The following KRAS variants were observed in gnomAD, a reference collection of about 807,000 sequenced individuals.
The protein encoded by KRAS is KRas proto-oncogene, GTPase.
A neutral mutation model predicts 21.0 loss-of-function variants in KRAS; 1 was observed. The ratio of observed to expected loss-of-function variants is 0.05; its 90% CI spans 0.02 to 0.23. KRAS has a LOEUF of 0.23. Ranked by LOEUF, KRAS falls within the 10% of genes least tolerant of loss-of-function variation. The pLI is 1.00. For synonymous variants in KRAS, 67 were observed against 72.5 expected, an observed-to-expected ratio of 0.92 and a Z score of 0.39; for missense variants, 107 against 221.8, an observed-to-expected ratio of 0.48 and a Z score of 3.29.
At chr12:25,223,505 C>T (rs1565883287) in intron 4 of KRAS, among the ~76,000 whole-genome samples, 1 of 152,132 alleles carries the variant, frequency 6.6e-6, no homozygotes. Context: ...ATATGATATA[C>T]ACCAAGTTTA....
chr12:25,229,458 G>C (rs1407851755), intron 2 of KRAS, among the ~76,000 whole-genome samples: 1 of 152,178 alleles, frequency 6.6e-6, no homozygotes, highest in African/African-American at 2.4e-5. Flanking sequence ...TGCAAATCCT[G>C]AGGGGCCTCT....
intron 4 of KRAS, chr12:25,215,688 T>C: frequency 1.3e-6 from 1 of 750,268 alleles, no homozygotes; most frequent in Admixed American, 2.2e-5. Context: ...GACATCAGAC[T>C]GTTTGAATAA....
Position 25,240,632 on chromosome 12 carries a change from G to T in KRAS, c.111+4642C>A, listed in dbSNP as rs146068107. Among the ~76,000 whole-genome samples the T allele has an allele frequency of 5.0e-3, 757 of 152,230 alleles. 8 individuals carry two copies. The highest frequency in any genetic ancestry group is 0.017 in the African/African-American group (718 of 41,518). On this transcript the variant is annotated intron_variant, in intron 2 of 4. Transcript: ENST00000311936. Reference sequence around the variant, plus strand: ...TGCATGGTACAAAGTGGGCAGTGAAGAACATTTCTAGGATTAAGGAATTAG... The same window carrying T: ...TGCATGGTACAAAGTGGGCAGTGAATAACATTTCTAGGATTAAGGAATTAG...
intron 2 of KRAS, among the ~76,000 whole-genome samples, 180 bp downstream of exon 2, chr12:25,245,094 G>T (rs950367826): frequency 6.6e-6 from 1 of 152,142 alleles, no homozygotes; most frequent in Admixed American, 6.5e-5. Context: ...TACTCCCAAG[G>T]AAAGTAAAGT....
chr12:25,250,235 C>T (rs1951746787), intron 1 of KRAS, among the ~76,000 whole-genome samples: 1 of 152,200 alleles, frequency 6.6e-6, no homozygotes, highest in Admixed American at 6.5e-5. Flanking sequence ...CCAGCCTGCG[C>T]TCGAGGGAGA....
chr12:25,220,211 A>T (rs927557013), intron 4 of KRAS, among the ~76,000 whole-genome samples: 2 of 152,208 alleles, frequency 1.3e-5, no homozygotes, highest in Non-Finnish European at 2.9e-5. Context: ...GGACCAGGAA[A>T]ATCTGTCAAC....
chr12:25,215,150 T>C lies in KRAS; in HGVS notation c.451-5239A>G, dbSNP rs6487461. ...TATCTCAAAACTTTTCCCTTAAAAA[T>C]AAAGGTAAATATCAGTTTCCAAATA... On this transcript the variant is annotated intron_variant, in intron 4 of 4. Coordinates refer to ENST00000311936, the MANE Select transcript of KRAS (RefSeq NM_004985.5). The C allele has an allele frequency of 0.54, 201,939 of 377,220 alleles. 48,579 individuals carry two copies. The highest frequency in any genetic ancestry group is 0.8 in the East Asian group (4,796 of 5,992). 23.4% of individuals were successfully genotyped at this position (377,220 alleles called of 1,614,324 possible). A position where few individuals can be genotyped will look rare whatever the true frequency, so the allele number is the denominator to read the frequency against.
intron 2 of KRAS, among the ~76,000 whole-genome samples, chr12:25,229,511 A>G (rs1365833716): frequency 6.6e-6 from 1 of 152,224 alleles, no homozygotes; most frequent in Non-Finnish European, 1.5e-5. Flanking sequence ...CTATAAGATT[A>G]AGTAAAAGAA....
At position 25,209,837 on chromosome 12, in the gene KRAS, T is replaced by G; in HGVS notation, c.525A>C (p.Lys175Asn). The G allele has an allele frequency of 6.2e-7, 1 of 1,611,036 alleles. No homozygotes were observed. The highest frequency in any genetic ancestry group is 8.5e-7 in the Non-Finnish European group (1 of 1,177,740). ...TTGTCTTTGACTTCTTTTTCTTCTT[T>G]TTACCATCTTTGCTCATCTTTTCTT... ...KHKEKMSKDG[K>N]KKKKKSKTKC... Residue 175 changes from lysine to asparagine, a missense_variant, in exon 5 of 5, where the codon AAA becomes AAC. Lys to Asn is a moderately conservative substitution (Grantham distance 94). Transcript: ENST00000311936.
At chr12:25,224,838 C>T (rs867987160) in intron 4 of KRAS, among the ~76,000 whole-genome samples, 1 of 152,082 alleles carries the variant, frequency 6.6e-6, no homozygotes, top group African/African-American at 2.4e-5. Context: ...GACAAAATCA[C>T]CTAACAATGT....
Position 25,206,329 on chromosome 12 carries a change from T to C in KRAS, c.*3466A>G, listed in dbSNP as rs915587778. On this transcript the variant is annotated 3_prime_UTR_variant, in exon 5 of 5. Transcript: ENST00000311936. ...GGGAACATTCACTCAAATGATACAA[T>C]ATACGTCTGCTATATTCTTCCACAA... 4.8e-6 allele frequency: 1 copy of C among 207,418 alleles called. No individual in the cohort carries two copies. The highest frequency in any genetic ancestry group is 5.9e-5 in the Admixed American group (1 of 16,918). 12.8% of individuals were successfully genotyped at this position (207,418 alleles called of 1,614,324 possible).
chr12:25,208,167 T>TTAA lies in KRAS; in HGVS notation c.*1627_*1628insTTA, dbSNP rs1555192234. ...AAATGGAATATAAATTACATAGTTG[T>TTAA]AAAAAAAAAAAACTAAGAGTTTGAG... On this transcript the variant is annotated 3_prime_UTR_variant, in exon 5 of 5. Transcript: ENST00000311936. 5.2e-4 allele frequency: 116 copies of TTAA among 221,784 alleles called. No individual in the cohort carries two copies. Among genetic ancestry groups the TTAA allele is most frequent in the African/African-American group, 2.5e-3 (108 of 43,752 alleles). 13.7% of individuals were successfully genotyped at this position (221,784 alleles called of 1,614,324 possible).
At chr12:25,212,615 A>T (rs1045785885) in intron 4 of KRAS, among the ~76,000 whole-genome samples, 1 of 152,182 alleles carries the variant, frequency 6.6e-6, no homozygotes, top group Non-Finnish European at 1.5e-5. Context: ...TCGTGAAGGA[A>T]ATGTCACAAC....
intron 2 of KRAS, among the ~76,000 whole-genome samples, chr12:25,240,696 C>T (rs1297503512): frequency 2.0e-5 from 3 of 152,064 alleles, no homozygotes; most frequent in Non-Finnish European, 4.4e-5. Flanking sequence ...GATTCCAAAC[C>T]ATAAAATCAT....
At chr12:25,228,178 C>CTTTTTTTTT (rs34584556) in intron 2 of KRAS, among the ~76,000 whole-genome samples, 8 of 76,776 alleles carry the variant, frequency 1.0e-4, no homozygotes, top group African/African-American at 2.6e-4. Context: ...TTTCTTTCAT[C>CTTTTTTTTT]TTTTTTTTTT....
intron 2 of KRAS, 150 bp downstream of exon 2, chr12:25,245,124 T>C: frequency 1.2e-6 from 1 of 829,862 alleles, no homozygotes; most frequent in South Asian, 1.6e-5. Flanking sequence ...AATGGTTACA[T>C]ATAACTTGAA....
At position 25,207,991 on chromosome 12, in the gene KRAS, A is replaced by G. The variant is rs1198529463; in HGVS notation, c.*1804T>C. 3 of 233,120 alleles carry G rather than the reference A, an allele frequency of 1.3e-5. No homozygotes were observed. Among genetic ancestry groups the G allele is most frequent in the South Asian group, 1.8e-4 (1 of 5,536 alleles). 14.4% of individuals were successfully genotyped at this position (233,120 alleles called of 1,614,324 possible). The stretch of plus-strand genomic sequence containing the variant: ...GGTAGGGAGGCAAGATGACACTAAT[A>G]TGGAAGAAGAGTCCTAAAACGAGAA... On this transcript the variant is annotated 3_prime_UTR_variant, in exon 5 of 5. Coordinates refer to ENST00000311936, the MANE Select transcript of KRAS (RefSeq NM_004985.5).
At chr12:25,225,124 G>A (rs947823085) in intron 4 of KRAS, 2 of 151,732 alleles carry the variant, frequency 1.3e-5, no homozygotes, top group Non-Finnish European at 2.9e-5. Flanking sequence ...TCTGGGTATT[G>A]TCTTTCTTTA....
Position 25,215,453 on chromosome 12 carries a change from G to A in KRAS, c.451-5542C>T, listed in dbSNP as rs201967696. 1.6e-5 allele frequency: 25 copies of A among 1,612,276 alleles called. No homozygotes were observed. Among genetic ancestry groups the A allele is most frequent in the Non-Finnish European group, 2.1e-5 (25 of 1,178,742 alleles). ...TAAACTTACCAGATTACATTATAAT[G>A]CATTTTTTAATTTTCACACAGCCAG... On this transcript the variant is annotated intron_variant, in intron 4 of 4. Coordinates refer to ENST00000311936, the MANE Select transcript of KRAS (RefSeq NM_004985.5).
Sources: allele counts gnomAD v4.1 joint callset (sites outside exome capture counted in the v4.1 genomes callset), GRCh38; gene constraint gnomAD v4.1.1; transcripts MANE v1.5; gene names NCBI Gene and HGNC (gene_info 2026-07-23, HGNC 2026-07-21).